Variants in PRKG1 observed in about 807,000 individuals in gnomAD.
PRKG1 encodes cGMP-dependent protein kinase 1.
In PRKG1, 35 loss-of-function variants were observed where a neutral mutation model predicts 88.1. The observed-to-expected ratio is 0.40, with a 90% CI of 0.30 to 0.53. PRKG1 has a LOEUF of 0.53. Ranked by LOEUF, PRKG1 falls within the 20% of genes least tolerant of loss-of-function variation. The probability of loss-of-function intolerance (pLI) is 0.59; values close to 1 mark genes in which losing one functional copy is unlikely to be tolerated. For missense variants in PRKG1, 540 were observed against 839.8 expected (o/e 0.64, Z 4.41); for synonymous variants, 303 against 292.5 (o/e 1.04, Z -0.37).
At chr10:51,193,618 A>G (rs1837686316) in intron 2 of PRKG1, among the ~76,000 whole-genome samples, 1 of 152,066 alleles carries the variant, frequency 6.6e-6, no homozygotes, top group African/African-American at 2.4e-5. Flanking sequence ...ATTAATATAA[A>G]TTAGGAGTAA....
At chr10:51,415,122 C>CAGTA (rs1245878381) in intron 2 of PRKG1, among the ~76,000 whole-genome samples, 2 of 152,182 alleles carry the variant, frequency 1.3e-5, no homozygotes, top group African/African-American at 4.8e-5. Flanking sequence ...TCAGCGTGAT[C>CAGTA]AGTAGTTCAG....
intron 1 of PRKG1, among the ~76,000 whole-genome samples, chr10:51,096,346 A>C (rs997892818): frequency 6.6e-6 from 1 of 152,204 alleles, no homozygotes; most frequent in Non-Finnish European, 1.5e-5. Flanking sequence ...GCCTGTGTTT[A>C]GACACTTAAT....
At chr10:51,521,534 G>A (rs1841736584) in intron 3 of PRKG1, among the ~76,000 whole-genome samples, 1 of 152,174 alleles carries the variant, frequency 6.6e-6, no homozygotes, top group African/African-American at 2.4e-5. Context: ...TAAGCACTGA[G>A]TCTACTCTCT....
intron 3 of PRKG1, among the ~76,000 whole-genome samples, chr10:51,642,512 G>A (rs968694415): frequency 6.6e-6 from 1 of 152,078 alleles, no homozygotes; most frequent in Non-Finnish European, 1.5e-5. Flanking sequence ...TTTGGGCAAG[G>A]ACATAAGAAT....
chr10:51,946,022 G>A (rs1286972521), intron 5 of PRKG1, among the ~76,000 whole-genome samples: 1 of 151,766 alleles, frequency 6.6e-6, no homozygotes, highest in African/African-American at 2.4e-5. Flanking sequence ...GATTGGGGAA[G>A]TTCTCCTGGA....
At chr10:51,393,409 C>T (rs1837492934) in intron 2 of PRKG1, among the ~76,000 whole-genome samples, 2 of 143,916 alleles carry the variant, frequency 1.4e-5, no homozygotes, top group Admixed American at 1.4e-4. Context: ...TCCTCAACTC[C>T]CAGACGATGG....
chr10:51,295,933 A>C (rs1359305471), intron 2 of PRKG1, among the ~76,000 whole-genome samples: 2 of 152,084 alleles, frequency 1.3e-5, no homozygotes, highest in African/African-American at 4.8e-5. Flanking sequence ...TGAGATGATC[A>C]TATTGTTTTT....
intron 3 of PRKG1, among the ~76,000 whole-genome samples, chr10:51,607,623 G>A (rs1838800565): frequency 6.6e-6 from 1 of 152,180 alleles, no homozygotes; most frequent in South Asian, 2.1e-4. Flanking sequence ...ACAGTCAGCA[G>A]AACCTGCCTT....
intron 2 of PRKG1, among the ~76,000 whole-genome samples, chr10:51,340,703 C>T (rs936686582): frequency 3.1e-4 from 47 of 152,138 alleles, no homozygotes; most frequent in African/African-American, 1.1e-3. Flanking sequence ...GAACACCTAA[C>T]TTAATGCATT....
At chr10:51,937,961 A>G (rs1181295737) in intron 5 of PRKG1, among the ~76,000 whole-genome samples, 7 of 152,074 alleles carry the variant, frequency 4.6e-5, no homozygotes, top group African/African-American at 1.7e-4. Flanking sequence ...GCATATCCAT[A>G]CTTATACGCT....
At chr10:51,248,844 G>T (rs1466385306) in intron 2 of PRKG1, among the ~76,000 whole-genome samples, 1 of 151,426 alleles carries the variant, frequency 6.6e-6, no homozygotes, top group Non-Finnish European at 1.5e-5. Context: ...AAGGTAAAAT[G>T]CTTTAATTAC....
chr10:52,005,303 G>T (rs1434067594), intron 5 of PRKG1, among the ~76,000 whole-genome samples: 1 of 139,878 alleles, frequency 7.1e-6, no homozygotes, highest in Non-Finnish European at 1.5e-5. Context: ...TGCTATGTTG[G>T]CCAGGCTGGT....
chr10:51,122,246 C>A (rs1001391959), intron 1 of PRKG1, among the ~76,000 whole-genome samples: 1 of 152,154 alleles, frequency 6.6e-6, no homozygotes, highest in African/African-American at 2.4e-5. Flanking sequence ...TAGCAAAGGG[C>A]AAAACCCATA....
At chr10:52,195,620 A>G (rs554851619) in intron 9 of PRKG1, among the ~76,000 whole-genome samples, 1 of 152,356 alleles carries the variant, frequency 6.6e-6, no homozygotes, top group African/African-American at 2.4e-5. Flanking sequence ...CAACTCTTCA[A>G]AATTAAGCTA....
chr10:52,039,039 T>G (rs1589547318), intron 5 of PRKG1, among the ~76,000 whole-genome samples: 1 of 152,064 alleles, frequency 6.6e-6, no homozygotes, highest in South Asian at 2.1e-4. Context: ...ATCTTTCTCG[T>G]GGAGCAAAGA....
At chr10:51,298,669 C>T (rs1445163952) in intron 2 of PRKG1, among the ~76,000 whole-genome samples, 1 of 152,076 alleles carries the variant, frequency 6.6e-6, no homozygotes, top group Non-Finnish European at 1.5e-5. Flanking sequence ...TGAAATGGTT[C>T]TGATCTAAGG....
At chr10:51,592,867 T>C (rs1838347776) in intron 3 of PRKG1, among the ~76,000 whole-genome samples, 1 of 152,216 alleles carries the variant, frequency 6.6e-6, no homozygotes. Flanking sequence ...CTCACAAGTA[T>C]TGACTAGTAA....
chr10:52,175,154 G>T (rs1359726789), intron 9 of PRKG1, among the ~76,000 whole-genome samples: 1 of 151,818 alleles, frequency 6.6e-6, no homozygotes, highest in South Asian at 2.1e-4. Flanking sequence ...AATTTTTCCA[G>T]CTCCTAGTTT....
intron 5 of PRKG1, among the ~76,000 whole-genome samples, chr10:52,011,928 C>A (rs1388271259): frequency 6.6e-6 from 1 of 152,148 alleles, no homozygotes; most frequent in African/African-American, 2.4e-5. Flanking sequence ...CTCTCTTTGC[C>A]TGCTGCCATC....
Sources: gnomAD v4.1 joint callset for allele counts (sites outside exome capture counted in the v4.1 genomes callset) on GRCh38, gnomAD v4.1.1 for gene constraint, MANE v1.5 for transcripts, NCBI Gene and HGNC (gene_info 2026-07-23, HGNC 2026-07-21) for gene names.